KIF1B: variants seen among roughly 807,000 people sequenced by gnomAD.
KIF1B encodes the protein kinesin-like protein KIF1B.
A neutral mutation model predicts 241.9 loss-of-function variants in KIF1B; 76 were observed. The ratio of observed to expected loss-of-function variants is 0.31; its 90% CI spans 0.26 to 0.38. The LOEUF (loss-of-function observed/expected upper bound fraction) is 0.38. KIF1B is among the 10% of genes least tolerant of loss of function. The probability of loss-of-function intolerance (pLI) is 1.00; values close to 1 mark genes in which losing one functional copy is unlikely to be tolerated. For missense variants in KIF1B, 1,622 were observed against 2,271.4 expected, an observed-to-expected ratio of 0.71 and a Z score of 5.81; for synonymous variants, 750 against 796.7, an observed-to-expected ratio of 0.94 and a Z score of 0.99.
At chr1:10,265,398 CTAATTCTTTGTATTTT>C (rs1418410027) in intron 5 of KIF1B, among the ~76,000 whole-genome samples, 1 of 151,962 alleles carries the variant, frequency 6.6e-6, no homozygotes, top group Non-Finnish European at 1.5e-5. Context: ...CCATGCCTGG[CTAATTCTTTGTATTTT>C]TGGTAGAAGT....
At chr1:10,244,242 G>C (rs531016491) in intron 2 of KIF1B, among the ~76,000 whole-genome samples, 2 of 151,360 alleles carry the variant, frequency 1.3e-5, no homozygotes, top group South Asian at 4.2e-4. Flanking sequence ...TGTGGGTTTT[G>C]GTTTTATGGT....
Position 10,256,280 on chromosome 1 carries a change from CAA to C in KIF1B, c.142_143del (p.Lys48ValfsTer28). On this transcript the variant is annotated frameshift_variant, in exon 3 of 49. Coordinates refer to ENST00000676179, the MANE Select transcript of KIF1B (RefSeq NM_001365951.3). LOFTEE classifies it high-confidence loss of function. The stretch of plus-strand genomic sequence containing the variant: ...AACCCAAAGAATCCAAAGGAAGCTC[CAA>C]AGTCCTTCAGCTTCGACTATTCCTA... 1 of 1,612,488 alleles carries C rather than the reference CAA, an allele frequency of 6.2e-7. No individual in the cohort carries two copies. Among genetic ancestry groups the C allele is most frequent in the Non-Finnish European group, 8.5e-7 (1 of 1,178,530 alleles).
intron 10 of KIF1B, 29 bp from the exon 11 acceptor site, chr1:10,275,398 AT>A: frequency 1.5e-6 from 2 of 1,301,700 alleles, no homozygotes; most frequent in Non-Finnish European, 2.2e-6. Context: ...CTAACGAAAA[AT>A]GCTAAGACCA....
intron 35 of KIF1B, among the ~76,000 whole-genome samples, chr1:10,347,035 A>C (rs1486035115): frequency 6.6e-6 from 1 of 152,212 alleles, no homozygotes; most frequent in Admixed American, 6.5e-5. Context: ...CCATCAGCTT[A>C]CTCTGTCTCG....
At chr1:10,300,868 CTT>C (rs1333327583) in intron 22 of KIF1B, among the ~76,000 whole-genome samples, 1 of 152,086 alleles carries the variant, frequency 6.6e-6, no homozygotes, top group Non-Finnish European at 1.5e-5. Flanking sequence ...ATTTAGCAAA[CTT>C]TTGTTGGTAA....
At chr1:10,274,699 TGTGC>T (rs1649007322) in intron 10 of KIF1B, among the ~76,000 whole-genome samples, 1 of 151,640 alleles carries the variant, frequency 6.6e-6, no homozygotes, top group South Asian at 2.1e-4. Context: ...TATTTTCCCC[TGTGC>T]AAAAATAAAA....
At chr1:10,287,931 A>G (rs1310418514) in intron 15 of KIF1B, among the ~76,000 whole-genome samples, 2 of 152,218 alleles carry the variant, frequency 1.3e-5, no homozygotes, top group African/African-American at 4.8e-5. Flanking sequence ...TAGTACTATA[A>G]TAAGTACTAG....
At chr1:10,286,950 A>G (rs766949020) in intron 15 of KIF1B, among the ~76,000 whole-genome samples, 5 of 151,950 alleles carry the variant, frequency 3.3e-5, no homozygotes, top group Non-Finnish European at 7.4e-5. Context: ...AGGCCCCTAG[A>G]GTGGGGTATG....
At chr1:10,234,820 C>G (rs1647029411) in intron 2 of KIF1B, among the ~76,000 whole-genome samples, 1 of 151,982 alleles carries the variant, frequency 6.6e-6, no homozygotes, top group African/African-American at 2.4e-5. Context: ...CTGTACCCAG[C>G]CTCCCTTAAA....
At chr1:10,235,035 A>G (rs985232226) in intron 2 of KIF1B, among the ~76,000 whole-genome samples, 1 of 151,526 alleles carries the variant, frequency 6.6e-6, no homozygotes, top group African/African-American at 2.4e-5. Flanking sequence ...AACTACAGGC[A>G]CCTGTCACCA....
intron 27 of KIF1B, among the ~76,000 whole-genome samples, chr1:10,327,207 A>G (rs1355156191): frequency 6.6e-6 from 1 of 152,070 alleles, no homozygotes; most frequent in East Asian, 1.9e-4. Context: ...TCTACTAAAA[A>G]TACAAAAATT....
intron 33 of KIF1B, 115 bp downstream of exon 33, chr1:10,342,283 A>G (rs1184963825): frequency 1.3e-6 from 1 of 779,844 alleles, no homozygotes; most frequent in Non-Finnish European, 2.3e-6. Context: ...AGTATTCTAT[A>G]TTACCCTGTT....
At chr1:10,315,437 A>G (rs1457646053) in intron 22 of KIF1B, among the ~76,000 whole-genome samples, 2 of 150,896 alleles carry the variant, frequency 1.3e-5, no homozygotes, top group Non-Finnish European at 1.5e-5. Flanking sequence ...CGGCCTCCCA[A>G]AGTGCTGGGA....
At position 10,361,790 on chromosome 1, in the gene KIF1B, C is replaced by G; in HGVS notation, c.4269C>G (p.Ser1423Arg). The change falls in exon 40 of 49, where the codon AGC (serine) becomes AGG (arginine). Residue 1423 changes from serine (S) to arginine (R), a missense_variant. This residue lies in a region of KIF1B where 803 missense variants were observed against 1,112.0 expected (regional missense o/e 0.72). Coordinates refer to ENST00000676179, the MANE Select transcript of KIF1B (RefSeq NM_001365951.3). ...AKISPPRSLR[S>R]LFGSGYSKSP... Reference sequence around the variant, plus strand: ...TCTCACCACCACGCTCTCTGCGTAGCCTCTTTGGCAGCGGCTACTCAAAGT... The same window carrying G: ...TCTCACCACCACGCTCTCTGCGTAGGCTCTTTGGCAGCGGCTACTCAAAGT... 1 of 1,614,156 alleles carries G rather than the reference C, an allele frequency of 6.2e-7. No homozygotes were observed. The highest frequency in any genetic ancestry group is 8.5e-7 in the Non-Finnish European group (1 of 1,180,024).
intron 10 of KIF1B, 107 bp from the exon 11 acceptor site, chr1:10,275,321 G>A: frequency 2.8e-6 from 2 of 719,626 alleles, no homozygotes; most frequent in African/African-American, 3.5e-5. Flanking sequence ...ACAGTGTCGG[G>A]GTTGTACTGT....
intron 27 of KIF1B, among the ~76,000 whole-genome samples, chr1:10,333,273 G>A (rs1652025787): frequency 6.6e-6 from 1 of 151,128 alleles, no homozygotes; most frequent in South Asian, 2.1e-4. Context: ...AGGAGGCTGA[G>A]ACAGGAGAAT....
rs1280825065 is a variant in KIF1B, at chr1:10,380,894, G to C, written c.*4307G>C. Reference sequence around the variant, plus strand: ...GCTTCCTTAGTAAATTGAAATATCAGCTGAGAGATTATTTGCTGCTGTTAT... The same window carrying C: ...GCTTCCTTAGTAAATTGAAATATCACCTGAGAGATTATTTGCTGCTGTTAT... On this transcript the variant is annotated 3_prime_UTR_variant, in exon 49 of 49. Transcript: ENST00000676179. 1 of 219,020 alleles carries C rather than the reference G, an allele frequency of 4.6e-6. No individual in the cohort carries two copies. The highest frequency in any genetic ancestry group is 9.2e-6 in the Non-Finnish European group (1 of 108,954). The allele number at this position is 219,020 out of a possible 1,614,324, so 13.6% of individuals were successfully genotyped here.
intron 39 of KIF1B, among the ~76,000 whole-genome samples, 162 bp from the exon 40 acceptor site, chr1:10,361,530 C>T (rs796323043): frequency 2.0e-5 from 3 of 152,234 alleles, no homozygotes; most frequent in Non-Finnish European, 4.4e-5. Context: ...GTACTACCTA[C>T]TCTTGCACAT....
At chr1:10,222,733 T>C (rs1043437221) in intron 1 of KIF1B, among the ~76,000 whole-genome samples, 5 of 152,190 alleles carry the variant, frequency 3.3e-5, no homozygotes, top group African/African-American at 9.6e-5. Flanking sequence ...GTCTCTTTAA[T>C]GTTAGTGAAT....
Sources: allele counts gnomAD v4.1 joint callset (sites outside exome capture counted in the v4.1 genomes callset), GRCh38; gene constraint gnomAD v4.1.1; regional missense constraint gnomAD v4.1.1; transcripts MANE v1.5; gene names NCBI Gene and HGNC (gene_info 2026-07-23, HGNC 2026-07-21).